The following USP32 variants were observed in gnomAD, a reference collection of about 807,000 sequenced individuals.
USP32 encodes the protein ubiquitin specific peptidase 32.
USP32 carries 59 observed loss-of-function variants against 204.8 expected under a neutral mutation model. The ratio of observed to expected loss-of-function variants is 0.29; its 90% CI spans 0.23 to 0.36. The LOEUF (loss-of-function observed/expected upper bound fraction) is 0.36. USP32 is among the 10% of genes least tolerant of loss of function. The pLI, the probability that USP32 is intolerant of heterozygous loss-of-function variation, is 1.00. For synonymous variants in USP32, 517 were observed against 678.4 expected, an observed-to-expected ratio of 0.76 and a Z score of 3.70; for missense variants, 1,160 against 1,946.4, an observed-to-expected ratio of 0.60 and a Z score of 7.60.
intron 2 of USP32, among the ~76,000 whole-genome samples, chr17:60,330,452 T>TCTTC (rs758797697): frequency 1.3e-5 from 2 of 152,030 alleles, no homozygotes; most frequent in East Asian, 1.9e-4. Flanking sequence ...TCTTTTCTTT[T>TCTTC]CTTCCTTCCT....
At chr17:60,240,571 G>A (rs2085850812) in intron 11 of USP32, among the ~76,000 whole-genome samples, 2 of 152,058 alleles carry the variant, frequency 1.3e-5, no homozygotes, top group Non-Finnish European at 2.9e-5. Context: ...GCGCTGTGCT[G>A]GGGCATTCCT....
chr17:60,195,336 A>C (rs1259567873), intron 27 of USP32, among the ~76,000 whole-genome samples: 1 of 152,014 alleles, frequency 6.6e-6, no homozygotes, highest in Non-Finnish European at 1.5e-5. Flanking sequence ...GCTCCTTCTC[A>C]ATCTTACTCT....
Position 60,179,199 on chromosome 17 carries a change from G to C in USP32, c.*56C>G. 6.4e-7 allele frequency: 1 copy of C among 1,556,018 alleles called. No individual in the cohort carries two copies. Among genetic ancestry groups the C allele is most frequent in the Non-Finnish European group, 8.7e-7 (1 of 1,144,918 alleles). On this transcript the variant is annotated 3_prime_UTR_variant, in exon 34 of 34. Transcript: ENST00000300896. ...TCAGTGACGCTTTTGCCAAATGTCA[G>C]CTACAAGGAGTCATCTCCCTCACCG...
intron 10 of USP32, among the ~76,000 whole-genome samples, chr17:60,254,369 T>A (rs1405055108): frequency 6.6e-6 from 1 of 152,168 alleles, no homozygotes; most frequent in Non-Finnish European, 1.5e-5. Flanking sequence ...AACAGCCTCA[T>A]ACCTTCAATG....
chr17:60,266,605 C>T (rs1567814550), intron 7 of USP32, among the ~76,000 whole-genome samples: 1 of 151,860 alleles, frequency 6.6e-6, no homozygotes, highest in South Asian at 2.1e-4. Context: ...TCTCCTGCCT[C>T]AGCCTCCCGA....
At chr17:60,330,761 G>A (rs1477400761) in intron 2 of USP32, among the ~76,000 whole-genome samples, 1 of 152,030 alleles carries the variant, frequency 6.6e-6, no homozygotes, top group Non-Finnish European at 1.5e-5. Context: ...TGGCCAGGCT[G>A]GAGATTTTCT....
intron 1 of USP32, among the ~76,000 whole-genome samples, chr17:60,374,140 C>A (rs2146095542): frequency 6.6e-6 from 1 of 151,916 alleles, no homozygotes; most frequent in East Asian, 1.9e-4. Context: ...GCAGAGATCA[C>A]ACCACTGCAC....
chr17:60,342,436 C>T (rs1190390135), intron 2 of USP32, among the ~76,000 whole-genome samples: 2 of 152,190 alleles, frequency 1.3e-5, no homozygotes, highest in African/African-American at 4.8e-5. Flanking sequence ...AATGCCATGC[C>T]GGGAGAGCCA....
intron 1 of USP32, among the ~76,000 whole-genome samples, chr17:60,413,966 G>A (rs1025987822): frequency 2.0e-5 from 3 of 151,822 alleles, no homozygotes; most frequent in Admixed American, 2.0e-4. Context: ...AAAAAGAATG[G>A]TTGGTTTGGG....
chr17:60,362,606 T>C (rs1005679859), intron 1 of USP32, among the ~76,000 whole-genome samples: 63 of 152,346 alleles, frequency 4.1e-4, no homozygotes, highest in African/African-American at 1.4e-3. Context: ...GGAGAGAATG[T>C]CCTTAAGTAT....
At chr17:60,366,981 A>G (rs569467172) in intron 1 of USP32, among the ~76,000 whole-genome samples, 3 of 151,864 alleles carry the variant, frequency 2.0e-5, no homozygotes, top group South Asian at 2.1e-4. Flanking sequence ...CCGCCACCAC[A>G]CCCAGCTAAT....
chr17:60,243,494 G>T (rs780976630), intron 11 of USP32, among the ~76,000 whole-genome samples: 1 of 152,150 alleles, frequency 6.6e-6, no homozygotes, highest in Admixed American at 6.6e-5. Flanking sequence ...TGTTTTTCAA[G>T]ATATTTTTTA....
chr17:60,223,564 T>C lies in USP32; in HGVS notation c.1455A>G (p.Pro485=). The change falls in exon 14 of 34, where the codon CCA becomes CCG. Residue 485 remains proline (P), a synonymous_variant. Coordinates refer to ENST00000300896, the MANE Select transcript of USP32 (RefSeq NM_032582.4). ...AGSGFLYSAT[P]GADVCFARQH... Reference sequence around the variant, plus strand: ...GTCGAGCAAAGCAAACATCTGCCCCTGGTGTGGCAGAATACAGAAAGCCTA... The same window carrying C: ...GTCGAGCAAAGCAAACATCTGCCCCCGGTGTGGCAGAATACAGAAAGCCTA... The C allele has an allele frequency of 1.2e-6, 2 of 1,603,530 alleles. No homozygotes were observed. The highest frequency in any genetic ancestry group is 1.8e-5 in the Admixed American group (1 of 56,638).
At chr17:60,254,543 T>C (rs1385045843) in intron 10 of USP32, among the ~76,000 whole-genome samples, 2 of 151,866 alleles carry the variant, frequency 1.3e-5, no homozygotes, top group Non-Finnish European at 2.9e-5. Context: ...CTACAAAAAA[T>C]ACAAAATTAC....
chr17:60,396,069 CTTTTTTTTTTTTTT>C (rs936063243), upstream of USP32, among the ~76,000 whole-genome samples: 2 of 74,920 alleles, frequency 2.7e-5, no homozygotes, highest in African/African-American at 1.5e-4. Context: ...GCACTTGAAG[CTTTTTTTTTTTTTT>C]TTTTTTTTTT....
chr17:60,209,991 TAAAATAATATGTGTATAC>T (rs1471333891), intron 21 of USP32, among the ~76,000 whole-genome samples: 4 of 152,042 alleles, frequency 2.6e-5, no homozygotes, highest in Non-Finnish European at 5.9e-5. Context: ...ATAACATGTA[TAAAATAATATGTGTATAC>T]ATTATTTTAT....
chr17:60,394,602 C>T (rs1334977224), upstream of USP32, among the ~76,000 whole-genome samples: 2 of 152,148 alleles, frequency 1.3e-5, no homozygotes, highest in African/African-American at 4.8e-5. Flanking sequence ...CTAAGAGATA[C>T]ATTGTTGTGG....
chr17:60,233,035 G>A (rs1393092535), intron 12 of USP32, among the ~76,000 whole-genome samples: 2 of 152,154 alleles, frequency 1.3e-5, no homozygotes, highest in Non-Finnish European at 2.9e-5. Context: ...TGTGAAAACT[G>A]AGGTAGAGCA....
chr17:60,419,338 GAAC>G (rs879670978), intron 1 of USP32, among the ~76,000 whole-genome samples: 10 of 152,152 alleles, frequency 6.6e-5, no homozygotes, highest in Non-Finnish European at 1.3e-4. Flanking sequence ...ACGTAGAGGG[GAAC>G]AACACACACT....
Sources: gnomAD v4.1 joint callset for allele counts (sites outside exome capture counted in the v4.1 genomes callset) on GRCh38, gnomAD v4.1.1 for gene constraint, MANE v1.5 for transcripts, NCBI Gene and HGNC (gene_info 2026-07-23, HGNC 2026-07-21) for gene names.